Variants in PC observed in about 807,000 individuals in gnomAD.
PC encodes the protein pyruvate carboxylase, mitochondrial.
In PC, 46 loss-of-function variants were observed where a neutral mutation model predicts 107.8. The ratio of observed to expected loss-of-function variants is 0.43; its 90% confidence interval spans 0.34 to 0.55. PC has a LOEUF of 0.55. Ranked by LOEUF, PC falls within the 20% of genes least tolerant of loss-of-function variation. The pLI is 0.04. For missense variants in PC, 1,241 were observed against 1,643.1 expected (o/e 0.76, Z 4.23); for synonymous variants, 662 against 684.7 (o/e 0.97, Z 0.52).
Position 66,853,230 on chromosome 11 carries a change from G to T in PC, c.1513+9C>A, listed in dbSNP as rs45580638. The stretch of plus-strand genomic sequence containing the variant: ...GGGGAGGGCAGGGCAGGGCAGTCTC[G>T]GGCCAGACCGAGGTAGTGCAACAGC... On this transcript the variant is annotated intron_variant, in intron 13 of 22. Coordinates refer to ENST00000393960, the MANE Select transcript of PC (RefSeq NM_001040716.2). The T allele has an allele frequency of 4.4e-3, 7,147 of 1,613,358 alleles. 291 individuals are homozygous for T. In the African/African-American group the frequency reaches 0.084, roughly 19 times the overall value.
intron 3 of PC, among the ~76,000 whole-genome samples, chr11:66,946,712 A>G (rs901543979): frequency 6.6e-6 from 1 of 152,182 alleles, no homozygotes; most frequent in South Asian, 2.1e-4. Context: ...TCGCTTGAGC[A>G]TGGGAGGTCG....
intron 3 of PC, among the ~76,000 whole-genome samples, chr11:66,921,387 T>G (rs1316058785): frequency 6.6e-6 from 1 of 152,176 alleles, no homozygotes; most frequent in Non-Finnish European, 1.5e-5. Context: ...AAAACCAAGA[T>G]GTCTAAGCAA....
At position 66,858,489 on chromosome 11, in the gene PC, G is replaced by A. The variant is rs777097562; in HGVS notation, c.1369-5106C>T. ...TGAGCTGCTGTGGCTGCGGCGGCTG[G>A]CGCGGCCGGACGACCTGGAAACGTG... On this transcript the variant is annotated intron_variant, in intron 12 of 22. Coordinates refer to ENST00000393960, the MANE Select transcript of PC (RefSeq NM_001040716.2). The surrounding 1 kb of genome is among the most constrained non-coding windows in gnomAD (Gnocchi z 5.9). 2 of 1,539,436 alleles carry A rather than the reference G, an allele frequency of 1.3e-6. No homozygotes were observed. Among genetic ancestry groups the A allele is most frequent in the Non-Finnish European group, 1.7e-6 (2 of 1,148,834 alleles).
At position 66,917,427 on chromosome 11, in the gene PC, A is replaced by G. The variant is rs1320385062; in HGVS notation, c.-1+35003T>C. Among the ~76,000 whole-genome samples the G allele has an allele frequency of 2.6e-5, 4 of 152,090 alleles. No individual in the cohort carries two copies. In the East Asian group the frequency reaches 7.7e-4, roughly 29 times the overall value. On this transcript the variant is annotated intron_variant, in intron 3 of 22. Transcript: ENST00000393960. ...CTACTTATCAGAAGGGTCTATGCAA[A>G]TTGGCGTAGGTTTCCAGAGATCACC... is the stretch of plus-strand genomic sequence containing the variant.
chr11:66,873,364 ATATAT>A (rs1215353873), intron 3 of PC, among the ~76,000 whole-genome samples: 6 of 112,204 alleles, frequency 5.3e-5, no homozygotes. Flanking sequence ...ATTATATATA[ATATAT>A]TATATATAAA....
intron 3 of PC, among the ~76,000 whole-genome samples, chr11:66,882,311 C>T (rs547816189): frequency 6.6e-6 from 1 of 152,352 alleles, no homozygotes; most frequent in South Asian, 2.1e-4. Flanking sequence ...AGAGCTGCTG[C>T]AGCTGAGGCC....
At chr11:66,873,138 G>T (rs992145197) in intron 3 of PC, among the ~76,000 whole-genome samples, 5 of 149,088 alleles carry the variant, frequency 3.4e-5, no homozygotes, top group Non-Finnish European at 7.4e-5. Flanking sequence ...TCAAGAGTTT[G>T]AAACCCACCT....
chr11:66,904,644 C>T (rs1030605845), intron 3 of PC, among the ~76,000 whole-genome samples: 3 of 152,118 alleles, frequency 2.0e-5, no homozygotes, highest in Non-Finnish European at 2.9e-5. Flanking sequence ...TCTCAAAACA[C>T]ACACACACAC....
rs748516483 is a variant in PC, at chr11:66,851,978, C to T, written c.1826-32G>A. On this transcript the variant is annotated intron_variant, in intron 15 of 22. Coordinates refer to ENST00000393960, the MANE Select transcript of PC (RefSeq NM_001040716.2). ...AGGAACCGAGAGGCCCAGATCAGCT[C>T]TGCATGCCTGGGGAACTCCACCAGG... 35 of 1,611,182 alleles carry T rather than the reference C, an allele frequency of 2.2e-5. No individual in the cohort carries two copies. In the East Asian group the frequency reaches 3.3e-4, roughly 15 times the overall value.
intron 3 of PC, among the ~76,000 whole-genome samples, chr11:66,888,565 G>A (rs1483787052): frequency 6.6e-6 from 1 of 151,976 alleles, no homozygotes; most frequent in Non-Finnish European, 1.5e-5. Flanking sequence ...CCACAGGCCT[G>A]GAGACCCGCC....
At chr11:66,935,672 A>G (rs1183655176) in intron 3 of PC, among the ~76,000 whole-genome samples, 1 of 152,214 alleles carries the variant, frequency 6.6e-6, no homozygotes, top group Non-Finnish European at 1.5e-5. Context: ...TGCTGCTGTC[A>G]GAGCTTGGCT....
chr11:66,860,482 G>A, intron 12 of PC: 1 of 702,982 alleles, frequency 1.4e-6, no homozygotes, highest in South Asian at 1.5e-5. Context: ...CTCAGTGCTA[G>A]TCTCTGGTGT....
chr11:66,884,890 G>C (rs1947306592), intron 3 of PC, among the ~76,000 whole-genome samples: 1 of 152,174 alleles, frequency 6.6e-6, no homozygotes, highest in Admixed American at 6.5e-5. Context: ...AATCTTTGCA[G>C]GGAGGAAGAT....
At chr11:66,849,202 G>A (rs377466972) in intron 22 of PC, 28 bp downstream of exon 22, 289 of 1,613,550 alleles carry the variant, frequency 1.8e-4, no homozygotes, top group African/African-American at 3.7e-4. Context: ...AAGCCCCACC[G>A]CCTGGCTGGC....
At chr11:66,911,776 T>C (rs1462646458) in intron 3 of PC, among the ~76,000 whole-genome samples, 1 of 152,162 alleles carries the variant, frequency 6.6e-6, no homozygotes, top group African/African-American at 2.4e-5. Flanking sequence ...CTCACACCTG[T>C]AATCCCAGCA....
rs768062036 is a variant in PC at position 66,866,370 on chromosome 11, G to T, written c.1023-21C>A. 3 of 1,596,294 alleles carry T rather than the reference G, an allele frequency of 1.9e-6. No homozygotes were observed. Among genetic ancestry groups the T allele is most frequent in the Non-Finnish European group, 2.6e-6 (3 of 1,166,798 alleles). ...CTACGCTGTAGGGCATTGGGGGGAG[G>T]GGGGAAAGGACGGGAGAAAGGGGGA... On this transcript the variant is annotated intron_variant, in intron 10 of 22. Coordinates refer to ENST00000393960, the MANE Select transcript of PC (RefSeq NM_001040716.2). This position sits in a 1 kb window ranked among gnomAD's most constrained non-coding sequence, Gnocchi z 5.4.
At position 66,859,791 on chromosome 11, in the gene PC, G is replaced by C. The variant is rs778488245; in HGVS notation, c.1368+3983C>G. 11 of 1,598,384 alleles carry C rather than the reference G, an allele frequency of 6.9e-6. No homozygotes were observed. The South Asian group carries it at 1.1e-4, about 16-fold the overall frequency. On this transcript the variant is annotated intron_variant, in intron 12 of 22. Coordinates refer to ENST00000393960, the MANE Select transcript of PC (RefSeq NM_001040716.2). ...CTGTGCCCATTTCTCCACGCTGCCG[G>C]CCTCGCCCCTGTGCCACGCCCTGCA...
intron 3 of PC, among the ~76,000 whole-genome samples, chr11:66,910,176 G>A (rs1400937514): frequency 1.3e-5 from 2 of 152,118 alleles, no homozygotes; most frequent in Non-Finnish European, 2.9e-5. Context: ...CGAACGAGTC[G>A]CTCACATGCT....
At chr11:66,861,428 C>CCA (rs1453748599) in intron 12 of PC, among the ~76,000 whole-genome samples, 1 of 152,236 alleles carries the variant, frequency 6.6e-6, no homozygotes, top group Non-Finnish European at 1.5e-5. Context: ...CAAGGCGCTG[C>CCA]CACCGGGCAG....
Sources: gnomAD v4.1 joint callset for allele counts (sites outside exome capture counted in the v4.1 genomes callset) on GRCh38, gnomAD v4.1.1 for gene constraint, Gnocchi (gnomAD v3.1) non-coding constraint, MANE v1.5 for transcripts, NCBI Gene and HGNC (gene_info 2026-07-23, HGNC 2026-07-21) for gene names.